Variants in NRXN1 observed in about 807,000 individuals in gnomAD.
NRXN1 encodes the protein neurexin 1, also known as neurexin-1.
A neutral mutation model predicts 150.9 loss-of-function variants in NRXN1; 39 were observed. The observed-to-expected ratio is 0.26, with a 90% CI of 0.20 to 0.34. The LOEUF is 0.34. Among genes scored for constraint, NRXN1 ranks in the 10% least tolerant of loss-of-function variants. NRXN1 has a pLI of 1.00. For missense variants in NRXN1, 1,815 were observed against 1,949.9 expected (o/e 0.93, Z 1.30); for synonymous variants, 924 against 757.0 (o/e 1.22, Z -3.62).
chr2:50,231,974 C>T (rs567495514), intron 18 of NRXN1, among the ~76,000 whole-genome samples: 10 of 152,226 alleles, frequency 6.6e-5, no homozygotes, highest in Non-Finnish European at 1.5e-4. Flanking sequence ...TCTTGTGTAA[C>T]ACTTCACAGT....
At chr2:50,554,546 A>AT (rs1667958563) in intron 8 of NRXN1, 1 of 152,192 alleles carries the variant, frequency 6.6e-6, no homozygotes, top group Admixed American at 6.5e-5. Context: ...GAAAATACAC[A>AT]TAAGTGGGAA....
chr2:50,209,440 T>C (rs558303035), intron 18 of NRXN1, among the ~76,000 whole-genome samples: 15 of 152,114 alleles, frequency 9.9e-5, no homozygotes, highest in Non-Finnish European at 2.1e-4. Context: ...ATGACGTGGG[T>C]AGTATTGGAG....
intron 2 of NRXN1, among the ~76,000 whole-genome samples, chr2:51,008,264 A>G (rs1431346257): frequency 3.3e-5 from 5 of 151,928 alleles, no homozygotes; most frequent in Non-Finnish European, 7.4e-5. Context: ...CTATTATACT[A>G]TCTAAAAAGA....
At chr2:50,441,506 A>G (rs1274804646) in intron 17 of NRXN1, among the ~76,000 whole-genome samples, 3 of 152,312 alleles carry the variant, frequency 2.0e-5, no homozygotes, top group South Asian at 2.1e-4. Flanking sequence ...TAATTGGGAT[A>G]AATGGCATTT....
chr2:51,020,036 C>T (rs988042093), intron 2 of NRXN1, among the ~76,000 whole-genome samples: 2 of 151,354 alleles, frequency 1.3e-5, no homozygotes, highest in Admixed American at 6.6e-5. Flanking sequence ...CACTGAACAG[C>T]ATTTCTGTTT....
At chr2:50,818,313 C>T (rs982976625) in intron 5 of NRXN1, among the ~76,000 whole-genome samples, 62 of 151,768 alleles carry the variant, frequency 4.1e-4, no homozygotes, top group African/African-American at 1.4e-3. Flanking sequence ...TTTGGAAACA[C>T]AGGATGCCTT....
intron 18 of NRXN1, among the ~76,000 whole-genome samples, chr2:50,094,816 G>A (rs1031199941): frequency 1.3e-5 from 2 of 151,894 alleles, no homozygotes; most frequent in African/African-American, 4.8e-5. Flanking sequence ...ACCAGATGGT[G>A]AGGTGGGAAT....
intron 5 of NRXN1, among the ~76,000 whole-genome samples, chr2:50,865,104 G>T (rs1676697996): frequency 6.6e-6 from 1 of 151,834 alleles, no homozygotes; most frequent in South Asian, 2.1e-4. Flanking sequence ...GAAGGCCTCA[G>T]AAAACTCTCT....
intron 17 of NRXN1, among the ~76,000 whole-genome samples, chr2:50,242,606 T>A (rs1225420841): frequency 6.6e-6 from 1 of 151,762 alleles, no homozygotes; most frequent in Admixed American, 6.6e-5. Flanking sequence ...ACCTATAATA[T>A]GTAACCACTT....
intron 18 of NRXN1, among the ~76,000 whole-genome samples, chr2:50,169,711 CAAAA>C (rs11296551): frequency 9.6e-6 from 1 of 103,816 alleles, no homozygotes. Flanking sequence ...GCTTCCATCT[CAAAA>C]AAAAAAAAAA....
intron 18 of NRXN1, among the ~76,000 whole-genome samples, chr2:50,099,401 C>A (rs567373628): frequency 6.6e-6 from 1 of 151,928 alleles, no homozygotes; most frequent in South Asian, 2.1e-4. Flanking sequence ...CATATCATAA[C>A]ATTTGCCCTT....
chr2:50,227,236 G>A (rs748642934), intron 18 of NRXN1, among the ~76,000 whole-genome samples: 17 of 151,374 alleles, frequency 1.1e-4, no homozygotes, highest in South Asian at 4.2e-4. Flanking sequence ...GCTTTGTCCT[G>A]GAGAAGTAAA....
intron 5 of NRXN1, among the ~76,000 whole-genome samples, chr2:50,666,630 A>G (rs1688061402): frequency 6.6e-6 from 1 of 151,950 alleles, no homozygotes; most frequent in Non-Finnish European, 1.5e-5. Flanking sequence ...TGTTTGCTTC[A>G]TGGGAATAAA....
At chr2:50,208,470 AG>A (rs1387577287) in intron 18 of NRXN1, among the ~76,000 whole-genome samples, 5 of 152,082 alleles carry the variant, frequency 3.3e-5, no homozygotes, top group African/African-American at 1.2e-4. Flanking sequence ...TCTTTCTCAC[AG>A]GGTATCCCTT....
intron 5 of NRXN1, among the ~76,000 whole-genome samples, chr2:50,756,287 T>C (rs1361830623): frequency 6.6e-6 from 1 of 151,566 alleles, no homozygotes; most frequent in Non-Finnish European, 1.5e-5. Flanking sequence ...ACATAGAAAC[T>C]TCCACCTCAC....
intron 18 of NRXN1, among the ~76,000 whole-genome samples, chr2:50,147,425 T>A (rs559649988): frequency 2.6e-5 from 4 of 151,742 alleles, no homozygotes; most frequent in Non-Finnish European, 5.9e-5. Context: ...GATAATTGCA[T>A]TTGAAAATAC....
intron 22 of NRXN1, among the ~76,000 whole-genome samples, chr2:49,933,071 TTTTG>T (rs1177712063): frequency 6.6e-6 from 1 of 151,980 alleles, no homozygotes; most frequent in Non-Finnish European, 1.5e-5. Flanking sequence ...TATTTTCTTT[TTTTG>T]TTTGTTTATT....
chr2:50,839,737 T>C (rs189580778), intron 5 of NRXN1, among the ~76,000 whole-genome samples: 71 of 152,254 alleles, frequency 4.7e-4, no homozygotes, highest in Admixed American at 4.6e-3. Flanking sequence ...AGAATGCTTG[T>C]CATTATTGAG....
At chr2:50,355,759 T>C (rs1017739374) in intron 17 of NRXN1, among the ~76,000 whole-genome samples, 9 of 152,036 alleles carry the variant, frequency 5.9e-5, no homozygotes, top group Non-Finnish European at 1.2e-4. Flanking sequence ...AAAAAAAGAG[T>C]GAGGATATGT....
Sources: gnomAD v4.1 joint callset for allele counts (sites outside exome capture counted in the v4.1 genomes callset) on GRCh38, gnomAD v4.1.1 for gene constraint, MANE v1.5 for transcripts, NCBI Gene and HGNC (gene_info 2026-07-23, HGNC 2026-07-21) for gene names.